Variants in CELF2 observed in about 807,000 individuals in gnomAD.
The protein encoded by CELF2 is CUGBP Elav-like family member 2.
A neutral mutation model predicts 62.6 loss-of-function variants in CELF2; 8 were observed. The observed-to-expected ratio is 0.13, with a 90% confidence interval of 0.07 to 0.23. CELF2 has a LOEUF of 0.23. Among genes scored for constraint, CELF2 ranks in the 10% least tolerant of loss-of-function variants. The pLI, the probability that CELF2 is intolerant of heterozygous loss-of-function variation, is 1.00. For missense variants in CELF2, 333 were observed against 671.0 expected, an observed-to-expected ratio of 0.50 and a Z score of 5.56; for synonymous variants, 258 against 250.0, an observed-to-expected ratio of 1.03 and a Z score of -0.30.
the CELF2 span, among the ~76,000 whole-genome samples, chr10:10,700,000 C>G: frequency 3.3e-5 from 5 of 152,138 alleles, no homozygotes; most frequent in Non-Finnish European, 7.3e-5. Flanking sequence ...CCAGAAAAAG[C>G]CTAGCCTCCA....
At chr10:10,866,914 CCTT>C (rs2060417724) in intron 1 of CELF2, among the ~76,000 whole-genome samples, 1 of 131,642 alleles carries the variant, frequency 7.6e-6, no homozygotes, top group Admixed American at 7.4e-5. Context: ...GAGTGAAACT[CCTT>C]CTCAAAAAAA....
chr10:11,315,207 T>C lies in CELF2; in HGVS notation c.1096+949T>C, dbSNP rs373420703. ...CCCTGTCCCTCCGTTTCAGATCCCC[T>C]GGTTGCCTGAGAGTAGCCAAGCCCA... is the stretch of plus-strand genomic sequence containing the variant. On this transcript the variant is annotated intron_variant, in intron 10 of 12. Coordinates refer to ENST00000633077, the MANE Select transcript of CELF2 (RefSeq NM_001326342.2). This position sits in a 1 kb window ranked among gnomAD's most constrained non-coding sequence, Gnocchi z 5.8. Among the ~76,000 whole-genome samples, 27 of 152,240 alleles carry C rather than the reference T, an allele frequency of 1.8e-4. No individual in the cohort carries two copies. Among genetic ancestry groups the C allele is most frequent in the African/African-American group, 6.3e-4 (26 of 41,534 alleles).
intron 9 of CELF2, among the ~76,000 whole-genome samples, chr10:11,295,473 T>G (rs545351957): frequency 6.6e-6 from 1 of 152,350 alleles, no homozygotes; most frequent in African/African-American, 2.4e-5. Context: ...ACGTTAAATT[T>G]TGTGAATGAG....
intron 1 of CELF2, among the ~76,000 whole-genome samples, chr10:10,890,059 T>G (rs922094038): frequency 2.6e-5 from 4 of 151,972 alleles, no homozygotes; most frequent in African/African-American, 9.7e-5. Context: ...TGAGGAGGGG[T>G]TTTTTTCCCC....
At chr10:11,147,138 C>T (rs1224125814) in intron 1 of CELF2, among the ~76,000 whole-genome samples, 1 of 152,138 alleles carries the variant, frequency 6.6e-6, no homozygotes, top group Non-Finnish European at 1.5e-5. Context: ...AGGCTCTCTG[C>T]TTGAGTGTGC....
At position 11,268,086 on chromosome 10, in the gene CELF2, G is replaced by A. The variant is rs1350551398; in HGVS notation, c.618+1409G>A. On this transcript the variant is annotated intron_variant, in intron 6 of 12. Transcript: ENST00000633077. This position sits in a 1 kb window ranked among gnomAD's most constrained non-coding sequence, Gnocchi z 4.7. ...CTAGGAAGCTAATCTTGTCTGACAC[G>A]CAGTTACACGTGTGATGGCGTTTTG... Among the ~76,000 whole-genome samples, 3 of 152,140 alleles carry A rather than the reference G, an allele frequency of 2.0e-5. No individual in the cohort carries two copies. The highest frequency in any genetic ancestry group is 3.9e-4 in the East Asian group (2 of 5,190).
intron 12 of CELF2, among the ~76,000 whole-genome samples, chr10:11,326,785 T>C (rs1156407571): frequency 6.6e-6 from 1 of 152,174 alleles, no homozygotes; most frequent in Non-Finnish European, 1.5e-5. Context: ...TGAGTTAGAG[T>C]ATTTGCTTTA....
intron 1 of CELF2, among the ~76,000 whole-genome samples, chr10:10,891,824 C>G (rs2062166948): frequency 6.6e-6 from 1 of 152,176 alleles, no homozygotes; most frequent in Admixed American, 6.5e-5. Context: ...GTTAATCACT[C>G]TAAGTCTGTT....
intron 9 of CELF2, among the ~76,000 whole-genome samples, chr10:11,301,350 T>A (rs1000906748): frequency 1.3e-5 from 2 of 148,444 alleles, no homozygotes; most frequent in Non-Finnish European, 3.0e-5. Context: ...ATGCGGGCCC[T>A]GCTCCCGCTC....
At chr10:11,087,100 T>A (rs2047018551) in intron 1 of CELF2, among the ~76,000 whole-genome samples, 1 of 152,302 alleles carries the variant, frequency 6.6e-6, no homozygotes, top group Non-Finnish European at 1.5e-5. Flanking sequence ...CCCCAAAATA[T>A]AAAGCACTGT....
At chr10:11,024,103 T>C (rs2058753768) in intron 1 of CELF2, among the ~76,000 whole-genome samples, 1 of 152,218 alleles carries the variant, frequency 6.6e-6, no homozygotes, top group African/African-American at 2.4e-5. Context: ...TATTAGTCTG[T>C]GTTTTTCTAT....
intron 2 of CELF2, among the ~76,000 whole-genome samples, chr10:11,197,058 A>AAAGG (rs1250421470): frequency 2.8e-5 from 2 of 71,932 alleles, no homozygotes; most frequent in Non-Finnish European, 5.5e-5. Context: ...AGAAAGAAAG[A>AAAGG]AAAGAAAGAA....
At chr10:11,322,742 A>G (rs769905643) in intron 11 of CELF2, among the ~76,000 whole-genome samples, 1 of 152,022 alleles carries the variant, frequency 6.6e-6, no homozygotes, top group Non-Finnish European at 1.5e-5. Flanking sequence ...GTTACTTTTC[A>G]TTATTTCAAC....
Position 11,156,535 on chromosome 10 carries a change from A to C in CELF2, c.75-8951A>C, listed in dbSNP as rs2064435341. 2.0e-5 allele frequency among the ~76,000 whole-genome samples: 3 copies of C among 152,028 alleles called. No homozygotes were observed. The stretch of plus-strand genomic sequence containing the variant: ...TCTTTTTAATCGATAAGGCTTACTT[A>C]TTTGCCTATTTCATGCCCACTCTAG... On this transcript the variant is annotated intron_variant, in intron 1 of 12. Coordinates refer to ENST00000633077, the MANE Select transcript of CELF2 (RefSeq NM_001326342.2). The surrounding 1 kb of genome is among the most constrained non-coding windows in gnomAD (Gnocchi z 4.3).
chr10:10,478,985 C>T, the CELF2 span, among the ~76,000 whole-genome samples: 1 of 152,078 alleles, frequency 6.6e-6, no homozygotes, highest in African/African-American at 2.4e-5. Context: ...TTCAATGTGC[C>T]CATCCCCACT....
the CELF2 span, among the ~76,000 whole-genome samples, chr10:10,595,358 G>C: frequency 6.6e-6 from 1 of 152,152 alleles, no homozygotes. Context: ...CTGGGACCAG[G>C]TCAGGGCAAG....
At chr10:11,273,463 C>T (rs1367003350) in intron 7 of CELF2, among the ~76,000 whole-genome samples, 1 of 152,062 alleles carries the variant, frequency 6.6e-6, no homozygotes, top group African/African-American at 2.4e-5. Context: ...CAAAACCTTC[C>T]CCTCAACCCC....
chr10:10,801,014 TG>T (rs563695453), intron 1 of CELF2, among the ~76,000 whole-genome samples: 7 of 152,300 alleles, frequency 4.6e-5, no homozygotes, highest in African/African-American at 1.7e-4. Flanking sequence ...TTATAGATTT[TG>T]AAACATGTAT....
At chr10:10,835,465 C>G (rs892789436) in intron 1 of CELF2, among the ~76,000 whole-genome samples, 16 of 151,762 alleles carry the variant, frequency 1.1e-4, no homozygotes, top group African/African-American at 3.9e-4. Context: ...TCACTGCAAC[C>G]TCTGCCTCCC....
Sources: allele counts gnomAD v4.1 joint callset (sites outside exome capture counted in the v4.1 genomes callset), GRCh38; gene constraint gnomAD v4.1.1; non-coding constraint Gnocchi (gnomAD v3.1); transcripts MANE v1.5; gene names NCBI Gene and HGNC (gene_info 2026-07-23, HGNC 2026-07-21).